The following CDC42SE2 variants were observed in gnomAD, a reference collection of about 807,000 sequenced individuals.
CDC42SE2 encodes CDC42 small effector 2.
Under a neutral mutation model 11.5 loss-of-function variants are expected in CDC42SE2, and 3 were observed. The observed-to-expected ratio is 0.26, with a 90% CI of 0.12 to 0.67. The LOEUF (loss-of-function observed/expected upper bound fraction) is 0.67, where lower values mean the gene tolerates loss of function less well. Among genes scored for constraint, CDC42SE2 ranks in the 30% least tolerant of loss-of-function variants. The pLI is 0.80. For synonymous variants in CDC42SE2, 33 were observed against 34.8 expected, an observed-to-expected ratio of 0.95 and a Z score of 0.18; for missense variants, 82 against 106.8, an observed-to-expected ratio of 0.77 and a Z score of 1.02.
chr5:131,288,899 T>A (rs1757395187), intron 1 of CDC42SE2, among the ~76,000 whole-genome samples: 1 of 152,238 alleles, frequency 6.6e-6, no homozygotes, highest in South Asian at 2.1e-4. Flanking sequence ...GGGTTGTTGT[T>A]GTTCCTTCTA....
intron 2 of CDC42SE2, among the ~76,000 whole-genome samples, chr5:131,321,402 G>C (rs1018437514): frequency 1.3e-5 from 2 of 152,108 alleles, no homozygotes; most frequent in African/African-American, 4.8e-5. Flanking sequence ...GGCACATGCT[G>C]ATAGTCCTAG....
At chr5:131,306,621 G>A (rs1344338542) in intron 1 of CDC42SE2, among the ~76,000 whole-genome samples, 1 of 152,172 alleles carries the variant, frequency 6.6e-6, no homozygotes, top group African/African-American at 2.4e-5. Flanking sequence ...TTCTATTTCT[G>A]TGAAAAACAG....
At chr5:131,223,469 C>A in the CDC42SE2 span, among the ~76,000 whole-genome samples, 3 of 152,244 alleles carry the variant, frequency 2.0e-5, no homozygotes, top group South Asian at 2.1e-4. Context: ...CAACTCAGAT[C>A]AAAAAATGCG....
In CDC42SE2 at chr5:131,355,129, G is replaced by C. The variant is rs76534993; in HGVS notation, c.-285-4080G>C. On this transcript the variant is annotated intron_variant, in intron 2 of 4. Transcript: ENST00000505065. ...AAAATCTGAAATCTACATTACTTCT[G>C]GTCCCAAGCATTTAGGAAAAGGGAT... 1.4e-3 allele frequency among the ~76,000 whole-genome samples: 210 copies of C among 152,202 alleles called. 2 individuals are homozygous for C. The East Asian group carries it at 0.024, about 18-fold the overall frequency.
intron 1 of CDC42SE2, among the ~76,000 whole-genome samples, chr5:131,307,621 A>G (rs899446474): frequency 2.0e-5 from 3 of 152,286 alleles, no homozygotes; most frequent in Admixed American, 1.3e-4. Flanking sequence ...TTCTAGTTCT[A>G]GATCCCTGAG....
intron 2 of CDC42SE2, among the ~76,000 whole-genome samples, chr5:131,340,446 G>T (rs1198285336): frequency 1.3e-5 from 2 of 152,028 alleles, no homozygotes; most frequent in Non-Finnish European, 2.9e-5. Context: ...ATACACTGAG[G>T]GCCTTGGAGC....
At chr5:131,297,157 CT>C (rs5871416) in intron 1 of CDC42SE2, among the ~76,000 whole-genome samples, 8,658 of 136,450 alleles carry the variant, frequency 0.063, 416 homozygotes, top group Admixed American at 0.18. Flanking sequence ...ACTTTATATT[CT>C]TTTTTTTTTT....
chr5:131,249,554 G>A (rs151039625), intron 1 of CDC42SE2, among the ~76,000 whole-genome samples: 2 of 152,308 alleles, frequency 1.3e-5, no homozygotes, highest in East Asian at 3.9e-4. Flanking sequence ...ATAGCAGGAA[G>A]AAACTGGATT....
At chr5:131,274,878 G>C (rs146488616) in intron 1 of CDC42SE2, among the ~76,000 whole-genome samples, 2 of 152,052 alleles carry the variant, frequency 1.3e-5, no homozygotes. Context: ...GCACATAATG[G>C]GGACTCAACA....
At chr5:131,222,437 A>G in the CDC42SE2 span, among the ~76,000 whole-genome samples, 6 of 152,336 alleles carry the variant, frequency 3.9e-5, no homozygotes, top group African/African-American at 1.4e-4. Context: ...GAAATTAATT[A>G]ATATATTTGA....
In CDC42SE2 at chr5:131,276,005, A is replaced by C. The variant is rs551112235; in HGVS notation, c.-455+11839A>C. 5.3e-5 allele frequency among the ~76,000 whole-genome samples: 8 copies of C among 152,248 alleles called. 1 individual carries two copies. The South Asian group carries it at 1.2e-3, about 24-fold the overall frequency. ...TTTGTGTTCCTAAAAATGCTTGTACATACTAAAACTGCAATTTTACTGATA... is the reference window on the plus strand; with the variant it reads ...TTTGTGTTCCTAAAAATGCTTGTACCTACTAAAACTGCAATTTTACTGATA... On this transcript the variant is annotated intron_variant, in intron 1 of 4. Transcript: ENST00000505065.
chr5:131,311,525 T>C (rs1163480846), intron 1 of CDC42SE2, among the ~76,000 whole-genome samples: 1 of 151,980 alleles, frequency 6.6e-6, no homozygotes, highest in East Asian at 1.9e-4. Flanking sequence ...CTGGATAATA[T>C]CCTGCAGAGT....
the CDC42SE2 span, among the ~76,000 whole-genome samples, chr5:131,217,685 C>T: frequency 0.25 from 37,579 of 151,794 alleles, 6,137 homozygotes; most frequent in African/African-American, 0.47. Flanking sequence ...ATCTATGACA[C>T]AAAAAAGCAT....
intron 2 of CDC42SE2, among the ~76,000 whole-genome samples, chr5:131,332,298 C>A (rs183348543): frequency 2.0e-5 from 3 of 152,294 alleles, no homozygotes; most frequent in East Asian, 3.9e-4. Context: ...GACATGAACT[C>A]CTCCTGTTTT....
intron 2 of CDC42SE2, among the ~76,000 whole-genome samples, chr5:131,332,329 G>T (rs1158084928): frequency 6.6e-6 from 1 of 152,158 alleles, no homozygotes; most frequent in African/African-American, 2.4e-5. Context: ...AGTATTCCAC[G>T]GTGTATATGT....
the CDC42SE2 span, among the ~76,000 whole-genome samples, chr5:131,225,721 C>T: frequency 6.6e-6 from 1 of 152,180 alleles, no homozygotes; most frequent in Non-Finnish European, 1.5e-5. Flanking sequence ...AAATCCTCCT[C>T]AGGACCTATC....
chr5:131,292,451 C>T (rs1353725707), intron 1 of CDC42SE2, among the ~76,000 whole-genome samples: 1 of 148,550 alleles, frequency 6.7e-6, no homozygotes, highest in Non-Finnish European at 1.5e-5. Context: ...GCCTGTAATC[C>T]CAGCCACTTG....
intron 3 of CDC42SE2, among the ~76,000 whole-genome samples, chr5:131,361,055 C>A (rs1262089101): frequency 7.0e-6 from 1 of 143,280 alleles, no homozygotes; most frequent in African/African-American, 2.6e-5. Context: ...ATATGTAAAT[C>A]TTAGAGTTTG....
intron 3 of CDC42SE2, among the ~76,000 whole-genome samples, chr5:131,368,642 A>G (rs768978999): frequency 3.9e-4 from 60 of 152,194 alleles, no homozygotes; most frequent in Non-Finnish European, 5.6e-4. Context: ...AAAGCTTTTT[A>G]AAACTTATAT....
Sources: allele counts gnomAD v4.1 joint callset (sites outside exome capture counted in the v4.1 genomes callset), GRCh38; gene constraint gnomAD v4.1.1; transcripts MANE v1.5; gene names NCBI Gene and HGNC (gene_info 2026-07-23, HGNC 2026-07-21).